Variants in DSCAM observed in about 807,000 individuals in gnomAD.
DSCAM encodes the protein DS cell adhesion molecule, also known as cell adhesion molecule DSCAM.
DSCAM carries 47 observed loss-of-function variants against 217.7 expected under a neutral mutation model. That is an observed-to-expected ratio of 0.22 (90% CI 0.17 to 0.28). DSCAM has a LOEUF of 0.28. Ranked by LOEUF, DSCAM falls within the 10% of genes least tolerant of loss-of-function variation. The probability of loss-of-function intolerance (pLI) is 1.00; values close to 1 mark genes in which losing one functional copy is unlikely to be tolerated. For missense variants in DSCAM, 2,080 were observed against 2,618.3 expected, an observed-to-expected ratio of 0.79 and a Z score of 4.49; for synonymous variants, 1,056 against 1,015.3, an observed-to-expected ratio of 1.04 and a Z score of -0.76.
chr21:40,717,483 T>C (rs2090854937), intron 1 of DSCAM, among the ~76,000 whole-genome samples: 1 of 152,176 alleles, frequency 6.6e-6, no homozygotes, highest in Non-Finnish European at 1.5e-5. Context: ...AGCCTTACAA[T>C]GGGATATCAC....
chr21:40,369,031 T>C lies in DSCAM; in HGVS notation c.655+68A>G, dbSNP rs1182557758. Reference sequence around the variant, plus strand: ...TAGTGGCAACACTCCACAATTTTGATTGAGTCGTCTCAGGACACTAACAAA... The same window carrying C: ...TAGTGGCAACACTCCACAATTTTGACTGAGTCGTCTCAGGACACTAACAAA... On this transcript the variant is annotated intron_variant, in intron 4 of 32. Coordinates refer to ENST00000400454, the MANE Select transcript of DSCAM (RefSeq NM_001389.5). 1.0e-5 allele frequency: 15 copies of C among 1,429,548 alleles called. No homozygotes were observed. In the East Asian group the frequency reaches 2.0e-4, roughly 19 times the overall value. The allele number at this position is 1,429,548 out of a possible 1,614,324, so 88.6% of individuals were successfully genotyped here. A position where few individuals can be genotyped will look rare whatever the true frequency, so the allele number is the denominator to read the frequency against.
chr21:40,754,005 T>C (rs947140111), intron 1 of DSCAM, among the ~76,000 whole-genome samples: 2 of 152,194 alleles, frequency 1.3e-5, no homozygotes, highest in African/African-American at 4.8e-5. Context: ...TTGACATTCT[T>C]TCAGTTGCTA....
chr21:40,214,735 C>CAAAAAA (rs1209648217), intron 11 of DSCAM, among the ~76,000 whole-genome samples: 15 of 67,832 alleles, frequency 2.2e-4, no homozygotes, highest in African/African-American at 2.8e-4. Flanking sequence ...GCAACAACAG[C>CAAAAAA]AAAAAAAAAA....
chr21:40,671,074 C>T (rs2090267979), intron 3 of DSCAM, among the ~76,000 whole-genome samples: 1 of 152,172 alleles, frequency 6.6e-6, no homozygotes, highest in South Asian at 2.1e-4. Context: ...ACAAGCTTAA[C>T]GAGACACCAT....
chr21:40,405,912 G>A (rs79089535), intron 3 of DSCAM, among the ~76,000 whole-genome samples: 88 of 152,256 alleles, frequency 5.8e-4, no homozygotes, highest in Non-Finnish European at 9.8e-4. Context: ...CATGAGAATC[G>A]CTTGATCCTG....
chr21:40,660,512 C>T (rs149591875), intron 3 of DSCAM, among the ~76,000 whole-genome samples: 152 of 152,260 alleles, frequency 1.0e-3, no homozygotes, highest in Non-Finnish European at 1.9e-3. Flanking sequence ...CACCTGCTGC[C>T]AAAACATGGC....
At chr21:40,274,119 C>T (rs879827836) in intron 11 of DSCAM, among the ~76,000 whole-genome samples, 1 of 152,148 alleles carries the variant, frequency 6.6e-6, no homozygotes, top group Non-Finnish European at 1.5e-5. Context: ...ACTCAATTAT[C>T]CCCAGAGAGC....
At chr21:40,335,545 T>C (rs760252165) in intron 8 of DSCAM, among the ~76,000 whole-genome samples, 1 of 152,230 alleles carries the variant, frequency 6.6e-6, no homozygotes, top group African/African-American at 2.4e-5. Context: ...TTCGTTTAAA[T>C]CTATGTCTCC....
intron 2 of DSCAM, among the ~76,000 whole-genome samples, chr21:40,699,254 G>A (rs946214517): frequency 2.0e-5 from 3 of 152,106 alleles, no homozygotes; most frequent in African/African-American, 4.8e-5. Flanking sequence ...ATCAATACAG[G>A]TCATATGTGC....
intron 1 of DSCAM, among the ~76,000 whole-genome samples, chr21:40,757,099 A>G (rs1287856161): frequency 6.6e-6 from 1 of 151,816 alleles, no homozygotes; most frequent in Non-Finnish European, 1.5e-5. Context: ...ATCTCGGCTC[A>G]CTGCAAGCTC....
chr21:40,635,633 G>A (rs1475955800), intron 3 of DSCAM, among the ~76,000 whole-genome samples: 1 of 151,786 alleles, frequency 6.6e-6, no homozygotes, highest in African/African-American at 2.4e-5. Context: ...GAGAATGTGT[G>A]GACAGTTATT....
chr21:40,331,934 C>T (rs1476225761), intron 8 of DSCAM, among the ~76,000 whole-genome samples: 1 of 151,980 alleles, frequency 6.6e-6, no homozygotes, highest in African/African-American at 2.4e-5. Flanking sequence ...TTTTAAATCC[C>T]CATGGTCTGA....
chr21:40,533,047 T>C (rs1259336797), intron 3 of DSCAM, among the ~76,000 whole-genome samples: 1 of 151,750 alleles, frequency 6.6e-6, no homozygotes, highest in African/African-American at 2.4e-5. Context: ...GTCACTTAAT[T>C]GAATTAACTT....
chr21:40,827,572 G>A (rs1158123076), intron 1 of DSCAM, among the ~76,000 whole-genome samples: 1 of 6,330 alleles, frequency 1.6e-4, no homozygotes, highest in African/African-American at 8.9e-4. Context: ...ATTCAATGGA[G>A]TGGTGAAGAA....
At chr21:40,622,492 C>T (rs1465625888) in intron 3 of DSCAM, among the ~76,000 whole-genome samples, 2 of 152,048 alleles carry the variant, frequency 1.3e-5, no homozygotes, top group African/African-American at 2.4e-5. Context: ...GTTTTGACTC[C>T]ATTTGCATAT....
chr21:40,335,364 G>T (rs531075922), intron 8 of DSCAM, among the ~76,000 whole-genome samples: 15 of 152,192 alleles, frequency 9.9e-5, no homozygotes, highest in African/African-American at 3.4e-4. Flanking sequence ...TTATTCAATA[G>T]AATTATTTCC....
chr21:40,188,785 C>CTTTTTT (rs35605811), intron 12 of DSCAM, among the ~76,000 whole-genome samples: 19 of 141,530 alleles, frequency 1.3e-4, no homozygotes, highest in African/African-American at 4.2e-4. Flanking sequence ...TTATTTCTCA[C>CTTTTTT]TTTTTTTTTT....
At chr21:40,654,098 A>C (rs571632034) in intron 3 of DSCAM, among the ~76,000 whole-genome samples, 1 of 114,554 alleles carries the variant, frequency 8.7e-6, no homozygotes, top group East Asian at 2.6e-4. Context: ...CCATCTCAAA[A>C]AGAAAAAGAA....
rs570844103 is a variant in DSCAM, at chr21:40,405,753, T to C, written c.509-36508A>G. On this transcript the variant is annotated intron_variant, in intron 3 of 32. Transcript: ENST00000400454. The stretch of plus-strand genomic sequence containing the variant: ...GGCTCATGCCTGTAATCCCAGCATT[T>C]TGAAAGGCCAAGGCAGGTGGATCAC... Among the ~76,000 whole-genome samples, 56 of 152,282 alleles carry C rather than the reference T, an allele frequency of 3.7e-4. No individual in the cohort carries two copies. In the South Asian group the frequency reaches 0.012, roughly 32 times the overall value.
Sources: gnomAD v4.1 joint callset for allele counts (sites outside exome capture counted in the v4.1 genomes callset) on GRCh38, gnomAD v4.1.1 for gene constraint, MANE v1.5 for transcripts, NCBI Gene and HGNC (gene_info 2026-07-23, HGNC 2026-07-21) for gene names.